TTC7A: variants seen among roughly 807,000 people sequenced by gnomAD.
TTC7A encodes the protein tetratricopeptide repeat protein 7A.
In TTC7A, 110 loss-of-function variants were observed where a neutral mutation model predicts 103.7. That is an observed-to-expected ratio of 1.06 (90% CI 0.91 to 1.24). The LOEUF (loss-of-function observed/expected upper bound fraction) is 1.24, where lower values mean the gene tolerates loss of function less well. TTC7A is among the 50% of genes most tolerant of loss of function. TTC7A has a pLI of 0.00. For missense variants in TTC7A, 1,340 were observed against 1,116.3 expected (o/e 1.20, Z -2.86); for synonymous variants, 521 against 467.9 (o/e 1.11, Z -1.47).
At position 47,029,324 on chromosome 2, in the gene TTC7A, A is replaced by T. The variant is rs950608462; in HGVS notation, c.1742A>T (p.His581Leu). 2 of 1,614,098 alleles carry T rather than the reference A, an allele frequency of 1.2e-6. No individual in the cohort carries two copies. Among genetic ancestry groups the T allele is most frequent in the Admixed American group, 3.3e-5 (2 of 60,028 alleles). Residue 581 changes from histidine (H) to leucine (L), a missense_variant, in exon 15 of 20, where the codon CAC (histidine) becomes CTC (leucine). Transcript: ENST00000319190. ...GCACTGCTCTTCTCTGCCCAGAAGC[A>T]CCACCAGCATGCCCTGGATGTTGTC... ...LLALLFSAQK[H>L]HQHALDVVNM...
chr2:47,072,406 T>G lies in TTC7A; in HGVS notation c.2356-1296T>G, dbSNP rs558055204. ...GCGCCTCTGGAGAGGGAGAGGCCTT[T>G]CCTAGGGCTTCCTGAGCGCCATCTT... is the stretch of plus-strand genomic sequence containing the variant. On this transcript the variant is annotated intron_variant, in intron 19 of 19. Coordinates refer to ENST00000319190, the MANE Select transcript of TTC7A (RefSeq NM_020458.4). Among the ~76,000 whole-genome samples the G allele has an allele frequency of 3.9e-5, 6 of 152,300 alleles. No individual in the cohort carries two copies. In the East Asian group the frequency reaches 1.2e-3, roughly 29 times the overall value.
At chr2:46,966,494 A>G (rs865848910) in intron 3 of TTC7A, among the ~76,000 whole-genome samples, 6 of 152,236 alleles carry the variant, frequency 3.9e-5, no homozygotes, top group East Asian at 3.9e-4. Flanking sequence ...TCATTTTTCA[A>G]TACACCTCTA....
rs192364734 is a variant in TTC7A at position 47,025,428 on chromosome 2, C to T, written c.1641+1069C>T. On this transcript the variant is annotated intron_variant, in intron 14 of 19. Coordinates refer to ENST00000319190, the MANE Select transcript of TTC7A (RefSeq NM_020458.4). ...GGGCCCTGAGAGCATGCTCACCAGC[C>T]GGGGCTTGGTCTTATGGTCACTTCG... Among the ~76,000 whole-genome samples, 45 of 152,298 alleles carry T rather than the reference C, an allele frequency of 3.0e-4. No individual in the cohort carries two copies. The East Asian group carries it at 5.0e-3, about 17-fold the overall frequency.
At chr2:46,920,752 C>T (rs1285019721) in intron 2 of TTC7A, among the ~76,000 whole-genome samples, 1 of 151,898 alleles carries the variant, frequency 6.6e-6, no homozygotes, top group Non-Finnish European at 1.5e-5. Flanking sequence ...TGAACACTTC[C>T]TTCAAAGGCA....
intron 17 of TTC7A, 94 bp downstream of exon 17, chr2:47,050,140 C>A (rs1270812013): frequency 2.8e-6 from 3 of 1,080,270 alleles, no homozygotes; most frequent in African/African-American, 3.1e-5. Flanking sequence ...CGGGCCCTCT[C>A]CCAGCCGGGC....
chr2:47,013,371 G>A (rs1455301381), intron 11 of TTC7A, among the ~76,000 whole-genome samples: 1 of 152,214 alleles, frequency 6.6e-6, no homozygotes, highest in African/African-American at 2.4e-5. Context: ...CTGAGCACGT[G>A]CAGCAGAGGG....
chr2:47,046,005 A>G (rs775336736), intron 15 of TTC7A, among the ~76,000 whole-genome samples: 20 of 152,228 alleles, frequency 1.3e-4, no homozygotes, highest in Non-Finnish European at 1.0e-4. Flanking sequence ...GAGCAAGACC[A>G]GGACTCACAG....
At chr2:46,940,406 G>C (rs1179088472), upstream of TTC7A, among the ~76,000 whole-genome samples, 3 of 152,102 alleles carry the variant, frequency 2.0e-5, no homozygotes, top group Non-Finnish European at 4.4e-5. This position sits in a 1 kb window ranked among gnomAD's most constrained non-coding sequence, Gnocchi z 4.7. Context: ...AGCGGGGCCG[G>C]GCCCCTGTAA....
rs142179011 is a variant in TTC7A at position 47,004,136 on chromosome 2, C to T, written c.1066-1786C>T. On this transcript the variant is annotated intron_variant, in intron 8 of 19. Coordinates refer to ENST00000319190, the MANE Select transcript of TTC7A (RefSeq NM_020458.4). Reference sequence around the variant, plus strand: ...CAGAGCTCAGCCTTGCCGGGATTTCCGGGCATCCCGGCACCCTCTCCTGGG... The same window carrying T: ...CAGAGCTCAGCCTTGCCGGGATTTCTGGGCATCCCGGCACCCTCTCCTGGG... Among the ~76,000 whole-genome samples the T allele has an allele frequency of 5.4e-3, 822 of 152,304 alleles. 12 individuals are homozygous for T. The highest frequency in any genetic ancestry group is 0.018 in the African/African-American group (762 of 41,560).
At chr2:47,039,975 T>C (rs1681557032) in intron 15 of TTC7A, among the ~76,000 whole-genome samples, 2 of 152,198 alleles carry the variant, frequency 1.3e-5, no homozygotes, top group Non-Finnish European at 2.9e-5. Flanking sequence ...CAGCAGGGGC[T>C]GACTCTGTTA....
chr2:46,917,324 C>T, intron 2 of TTC7A: 1 of 630,624 alleles, frequency 1.6e-6, no homozygotes, highest in South Asian at 1.8e-5. Context: ...TTGAGGAAAC[C>T]CTATTAATTC....
At chr2:46,925,153 G>A (rs1352395210) in intron 2 of TTC7A, among the ~76,000 whole-genome samples, 2 of 152,046 alleles carry the variant, frequency 1.3e-5, no homozygotes, top group Admixed American at 6.6e-5. Context: ...GGGTTGTCTG[G>A]CTATGTTCCC....
chr2:46,938,995 A>G (rs1172543859), upstream of TTC7A, among the ~76,000 whole-genome samples: 1 of 146,910 alleles, frequency 6.8e-6, no homozygotes, highest in East Asian at 2.0e-4. Context: ...TGGGCAACAG[A>G]GCGAGACTCT....
At chr2:47,056,456 C>T (rs980732702) in intron 18 of TTC7A, among the ~76,000 whole-genome samples, 1 of 152,184 alleles carries the variant, frequency 6.6e-6, no homozygotes, top group Admixed American at 6.5e-5. Flanking sequence ...GGCCCAGGCT[C>T]TCTGTACCCT....
intron 2 of TTC7A, among the ~76,000 whole-genome samples, chr2:46,931,699 TA>T (rs1179271492): frequency 6.7e-6 from 1 of 149,470 alleles, no homozygotes; most frequent in Non-Finnish European, 1.5e-5. Context: ...CAATAATAAA[TA>T]AATAAATAAA....
intron 3 of TTC7A, chr2:46,958,463 G>A (rs1055977053): frequency 2.3e-6 from 3 of 1,300,998 alleles, no homozygotes; most frequent in Non-Finnish European, 3.0e-6. Flanking sequence ...AGGATGGATT[G>A]CCCCCTGTCT....
chr2:46,999,536 CAGTTCAATCAT>C, intron 8 of TTC7A: 1 of 985,420 alleles, frequency 1.0e-6, no homozygotes, highest in Non-Finnish European at 1.2e-6. Context: ...CAACGATTAA[CAGTTCAATCAT>C]AGTTCCTGTC....
At chr2:46,996,818 G>A (rs1676240775) in intron 8 of TTC7A, among the ~76,000 whole-genome samples, 3 of 152,168 alleles carry the variant, frequency 2.0e-5, no homozygotes, top group African/African-American at 4.8e-5. Context: ...CCCTTACTCT[G>A]ACCACAGACT....
At chr2:47,057,787 G>T (rs1359081379) in intron 18 of TTC7A, among the ~76,000 whole-genome samples, 1 of 152,162 alleles carries the variant, frequency 6.6e-6, no homozygotes, top group Non-Finnish European at 1.5e-5. Context: ...CAGCCTTCAG[G>T]CTCCAGCTCC....
Sources: allele counts gnomAD v4.1 joint callset (sites outside exome capture counted in the v4.1 genomes callset), GRCh38; gene constraint gnomAD v4.1.1; non-coding constraint Gnocchi (gnomAD v3.1); transcripts MANE v1.5; gene names NCBI Gene and HGNC (gene_info 2026-07-23, HGNC 2026-07-21).